Variants in LIFR observed in about 807,000 individuals in gnomAD.
LIFR encodes the protein LIF receptor subunit alpha.
LIFR carries 84 observed loss-of-function variants against 122.2 expected under a neutral mutation model. The observed-to-expected ratio is 0.69, with a 90% confidence interval of 0.58 to 0.82. LIFR has a LOEUF of 0.82. Among genes scored for constraint, LIFR ranks in the 40% least tolerant of loss-of-function variants. LIFR has a pLI of 0.00. For missense variants in LIFR, 1,294 were observed against 1,311.6 expected, an observed-to-expected ratio of 0.99 and a Z score of 0.21; for synonymous variants, 422 against 434.7, an observed-to-expected ratio of 0.97 and a Z score of 0.36.
rs1440615466 is a variant in LIFR at position 38,475,641 on chromosome 5, T to C, written c.*5954A>G. 5.4e-6 allele frequency: 1 copy of C among 185,676 alleles called. No individual in the cohort carries two copies. The highest frequency in any genetic ancestry group is 1.1e-5 in the Non-Finnish European group (1 of 87,582). The allele number at this position is 185,676 out of a possible 1,614,324, so 11.5% of individuals were successfully genotyped here. ...AAAAACATTCATTCTACAAACCTTA[T>C]AAAAGACAGAAACTTATATCTGTTC... On this transcript the variant is annotated 3_prime_UTR_variant, in exon 20 of 20. Coordinates refer to ENST00000453190, the MANE Select transcript of LIFR (RefSeq NM_001127671.2).
chr5:38,498,840 T>A (rs754930297), intron 12 of LIFR, among the ~76,000 whole-genome samples: 6 of 152,142 alleles, frequency 3.9e-5, no homozygotes, highest in Non-Finnish European at 7.3e-5. Context: ...CATGTACACT[T>A]CACTTTACTC....
intron 11 of LIFR, 23 bp downstream of exon 11, chr5:38,502,614 C>T (rs1745242426): frequency 6.4e-7 from 1 of 1,574,456 alleles, no homozygotes; most frequent in African/African-American, 1.4e-5. Context: ...AATTATTAGC[C>T]ATACATCACT....
intron 1 of LIFR, among the ~76,000 whole-genome samples, chr5:38,534,315 T>C (rs555053724): frequency 2.0e-5 from 3 of 152,364 alleles, no homozygotes; most frequent in South Asian, 2.1e-4. Flanking sequence ...CATTGTGTTA[T>C]TGAAGTGAAG....
At position 38,495,058 on chromosome 5, in the gene LIFR, G is replaced by A. The variant is rs530779224; in HGVS notation, c.1886-1273C>T. Among the ~76,000 whole-genome samples the A allele has an allele frequency of 7.2e-5, 11 of 152,248 alleles. No individual in the cohort carries two copies. In the South Asian group the frequency reaches 1.0e-3, roughly 14 times the overall value. On this transcript the variant is annotated intron_variant, in intron 13 of 19. Coordinates refer to ENST00000453190, the MANE Select transcript of LIFR (RefSeq NM_001127671.2). Reference sequence around the variant, plus strand: ...GACATAACAGCTTTTTTTGCTCAACGTGATTAAAAAGCCACAGTGTAAACC... The same window carrying A: ...GACATAACAGCTTTTTTTGCTCAACATGATTAAAAAGCCACAGTGTAAACC...
intron 1 of LIFR, among the ~76,000 whole-genome samples, chr5:38,541,617 T>A (rs917646672): frequency 2.6e-5 from 4 of 152,190 alleles, no homozygotes; most frequent in Non-Finnish European, 5.9e-5. Context: ...ACAAAAGTGA[T>A]ATAGACAGAT....
chr5:38,502,730 T>C lies in LIFR; in HGVS notation c.1507A>G (p.Thr503Ala). The C allele has an allele frequency of 6.2e-7, 1 of 1,610,708 alleles. No homozygotes were observed. Among genetic ancestry groups the C allele is most frequent in the Non-Finnish European group, 8.5e-7 (1 of 1,177,108 alleles). Residue 503 changes from threonine to alanine, a missense_variant, in exon 11 of 20, where the codon ACT becomes GCT. Transcript: ENST00000453190. ...LVALDKLNPY[T>A]LYTFRIRCST... ...CAACGAATCCGAAAAGTATATAGAG[T>C]GTATGGATTTAACTTGTCCAGAGCA...
At chr5:38,560,677 A>G (rs911252530), upstream of LIFR, among the ~76,000 whole-genome samples, 1 of 151,136 alleles carries the variant, frequency 6.6e-6, no homozygotes, top group Non-Finnish European at 1.5e-5. Flanking sequence ...GCTCACTGCA[A>G]CCTCCGCCTC....
rs1035465616 is a variant in LIFR at position 38,476,488 on chromosome 5, T to C, written c.*5107A>G. On this transcript the variant is annotated 3_prime_UTR_variant, in exon 20 of 20. Coordinates refer to ENST00000453190, the MANE Select transcript of LIFR (RefSeq NM_001127671.2). Reference sequence around the variant, plus strand: ...CAATCACGTGTGCAAAGTATTTTAGTCTTAAGGGCAACACATAGGATCTAT... The same window carrying C: ...CAATCACGTGTGCAAAGTATTTTAGCCTTAAGGGCAACACATAGGATCTAT... 6.2e-5 allele frequency: 13 copies of C among 209,670 alleles called. No individual in the cohort carries two copies. The highest frequency in any genetic ancestry group is 8.7e-5 in the Non-Finnish European group (9 of 103,554). 13.0% of individuals were successfully genotyped at this position (209,670 alleles called of 1,614,324 possible). A position where few individuals can be genotyped will look rare whatever the true frequency, so the allele number is the denominator to read the frequency against.
At chr5:38,549,650 G>T (rs990826765) in intron 1 of LIFR, among the ~76,000 whole-genome samples, 3 of 152,132 alleles carry the variant, frequency 2.0e-5, no homozygotes, top group Non-Finnish European at 4.4e-5. Context: ...AATTAGCCGG[G>T]CGTGGTAGCG....
At chr5:38,530,948 T>C (rs187575090) in intron 1 of LIFR, 10 of 340,088 alleles carry the variant, frequency 2.9e-5, no homozygotes, top group African/African-American at 8.4e-5. Flanking sequence ...TATAAGCACA[T>C]GGCTATCAAC....
At chr5:38,482,723 AAATT>A in intron 18 of LIFR, 56 bp from the exon 19 acceptor site, 2 of 717,134 alleles carry the variant, frequency 2.8e-6, no homozygotes, top group Non-Finnish European at 4.6e-6. Context: ...ATTAGATAAT[AAATT>A]AATAAATCAT....
chr5:38,605,766 A>G (rs1426358047), intron 2 of LIFR, among the ~76,000 whole-genome samples: 1 of 152,214 alleles, frequency 6.6e-6, no homozygotes, highest in African/African-American at 2.4e-5. Context: ...TCCTTTGGAA[A>G]GGCTAATCAG....
rs79816014 is a variant in LIFR at position 38,552,524 on chromosome 5, A to G, written c.-20+3810T>C. Among the ~76,000 whole-genome samples the G allele has an allele frequency of 7.1e-3, 1,086 of 152,304 alleles. 18 individuals carry two copies. Among genetic ancestry groups the G allele is most frequent in the Admixed American group, 0.034 (515 of 15,302 alleles). On this transcript the variant is annotated intron_variant, in intron 1 of 19. Transcript: ENST00000453190. The stretch of plus-strand genomic sequence containing the variant: ...ATTAAAACATTCAATACACACACCC[A>G]CACACAAAAGGCATCTTTGAACTCT...
Position 38,476,118 on chromosome 5 carries a change from G to A in LIFR, c.*5477C>T, listed in dbSNP as rs560097040. 5.8e-4 allele frequency: 116 copies of A among 200,226 alleles called. 1 individual carries two copies. Among genetic ancestry groups the A allele is most frequent in the African/African-American group, 2.5e-3 (110 of 43,610 alleles). The allele number at this position is 200,226 out of a possible 1,614,324, so 12.4% of individuals were successfully genotyped here. A position where few individuals can be genotyped will look rare whatever the true frequency, so the allele number is the denominator to read the frequency against. On this transcript the variant is annotated 3_prime_UTR_variant, in exon 20 of 20. Coordinates refer to ENST00000453190, the MANE Select transcript of LIFR (RefSeq NM_001127671.2). ...GTTGGAAGGAAAAATTAAATACAAG[G>A]AAACACTAGCTTATGATATATTAGA...
intron 1 of LIFR, among the ~76,000 whole-genome samples, chr5:38,574,068 A>G (rs1749303049): frequency 6.6e-6 from 1 of 152,130 alleles, no homozygotes; most frequent in Non-Finnish European, 1.5e-5. Context: ...GTGAGCCGAG[A>G]TGGCACCACT....
At chr5:38,505,412 ACAC>A (rs1561153460) in intron 9 of LIFR, among the ~76,000 whole-genome samples, 8 of 137,628 alleles carry the variant, frequency 5.8e-5, no homozygotes, top group African/African-American at 2.0e-4. Context: ...ACACACACAC[ACAC>A]ACACACACAC....
chr5:38,571,521 T>A lies in LIFR; in HGVS notation c.-20+23740A>T, dbSNP rs183843248. Among the ~76,000 whole-genome samples the A allele has an allele frequency of 6.4e-4, 73 of 113,724 alleles. No individual in the cohort carries two copies. The East Asian group carries it at 0.019, about 30-fold the overall frequency. 74.6% of individuals were successfully genotyped at this position (113,724 alleles called of 152,430 possible). A position where few individuals can be genotyped will look rare whatever the true frequency, so the allele number is the denominator to read the frequency against. On this transcript the variant is annotated intron_variant, in intron 1 of 19. Coordinates refer to the LIFR transcript ENST00000263409. Reference sequence around the variant, plus strand: ...AGTGAGCCAAGATTGTGCCACTGCATTCCAGCTCAAAAAAAAAAAAAAAAA... The same window carrying A: ...AGTGAGCCAAGATTGTGCCACTGCAATCCAGCTCAAAAAAAAAAAAAAAAA...
intron 14 of LIFR, 47 bp downstream of exon 14, chr5:38,493,559 T>A: frequency 6.4e-7 from 1 of 1,567,414 alleles, no homozygotes; most frequent in Non-Finnish European, 8.8e-7. Context: ...TGTTGCCTTT[T>A]AAAAATATTT....
In LIFR at chr5:38,481,918, GTTC is replaced by G. The variant is rs761535056; in HGVS notation, c.2968_2970del (p.Glu990del). On this transcript the variant is annotated inframe_deletion, in exon 20 of 20. Transcript: ENST00000453190. ...GCCCCTCCTACAGGGTCATTTTCTT[GTTC>G]TTCTTCTGGTTTTGCTTGAGGCTGA... The G allele has an allele frequency of 3.6e-5, 58 of 1,613,992 alleles. 1 individual carries two copies. The highest frequency in any genetic ancestry group is 3.5e-4 in the South Asian group (32 of 91,084).
Sources: gnomAD v4.1 joint callset for allele counts (sites outside exome capture counted in the v4.1 genomes callset) on GRCh38, gnomAD v4.1.1 for gene constraint, MANE v1.5 for transcripts, NCBI Gene and HGNC (gene_info 2026-07-23, HGNC 2026-07-21) for gene names.